The following ZNF563 variants were observed in gnomAD, a reference collection of about 807,000 sequenced individuals.
The protein encoded by ZNF563 is zinc finger protein 563.
ZNF563 carries 39 observed loss-of-function variants against 48.5 expected under a neutral mutation model. The ratio of observed to expected loss-of-function variants is 0.80; its 90% CI spans 0.62 to 1.05. The LOEUF is 1.05. ZNF563 is among the 50% of genes least tolerant of loss of function. The pLI is 0.00. For missense variants in ZNF563, 538 were observed against 597.0 expected (o/e 0.90, Z 1.03); for synonymous variants, 168 against 187.9 (o/e 0.89, Z 0.87).
chr19:12,329,485 A>AAAG (rs1555751983), intron 1 of ZNF563, among the ~76,000 whole-genome samples: 5 of 151,534 alleles, frequency 3.3e-5, no homozygotes, highest in Admixed American at 2.0e-4. Flanking sequence ...AAAAAAAAAA[A>AAAG]AAAAGAAAAG....
At position 12,318,502 on chromosome 19, in the gene ZNF563, A is replaced by G. The variant is rs1190649613; in HGVS notation, c.*92T>C. The stretch of plus-strand genomic sequence containing the variant: ...AATAAAAATTATGAAAGGCTTTCCC[A>G]CATTTACATTTATAGGGTTTCTGTC... On this transcript the variant is annotated 3_prime_UTR_variant, in exon 4 of 4. Transcript: ENST00000293725. The G allele has an allele frequency of 1.3e-5, 18 of 1,359,164 alleles. No homozygotes were observed. The highest frequency in any genetic ancestry group is 1.8e-5 in the Non-Finnish European group (18 of 995,338). 84.2% of individuals were successfully genotyped at this position (1,359,164 alleles called of 1,614,324 possible). A position where few individuals can be genotyped will look rare whatever the true frequency, so the allele number is the denominator to read the frequency against.
At chr19:12,343,518 G>A in the ZNF563 span, among the ~76,000 whole-genome samples, 1 of 152,066 alleles carries the variant, frequency 6.6e-6, no homozygotes, top group Non-Finnish European at 1.5e-5. Flanking sequence ...ATAAAGAGTA[G>A]AGCAGAGATA....
At chr19:12,322,778 C>T in intron 1 of ZNF563, 67 bp from the exon 2 acceptor site, 2 of 1,437,990 alleles carry the variant, frequency 1.4e-6, no homozygotes, top group Non-Finnish European at 1.9e-6. Flanking sequence ...ATACTCAGTT[C>T]ATAAACTTCA....
rs202216969 is a variant in ZNF563 at position 12,319,716 on chromosome 19, A to T, written c.309T>A (p.Cys103Ter). The change falls in exon 4 of 4, where the codon TGT becomes TGA. Residue 103 changes from cysteine (C) to a stop codon, truncating the protein, a stop_gained. Coordinates refer to ENST00000293725, the MANE Select transcript of ZNF563 (RefSeq NM_145276.3). LOFTEE classifies it high-confidence loss of function. ...TGACTTCTTCACACTCAGCGCTTTG[A>T]CATGGATCTTCTCCAGGACAAATGC... ...NNSICPGEDP[C>*]QSAECEEVIM... The T allele has an allele frequency of 6.2e-7, 1 of 1,614,144 alleles. No individual in the cohort carries two copies. Among genetic ancestry groups the T allele is most frequent in the South Asian group, 1.1e-5 (1 of 91,072 alleles).
intron 1 of ZNF563, among the ~76,000 whole-genome samples, chr19:12,327,276 A>G (rs772230950): frequency 2.0e-5 from 3 of 152,126 alleles, no homozygotes; most frequent in Non-Finnish European, 4.4e-5. Context: ...CCTGGCCAAC[A>G]TGGTGAAACC....
chr19:12,343,567 G>A, the ZNF563 span, among the ~76,000 whole-genome samples: 1 of 152,034 alleles, frequency 6.6e-6, no homozygotes, highest in African/African-American at 2.4e-5. Flanking sequence ...CAATATTATT[G>A]ACACCAAAAG....
At position 12,319,837 on chromosome 19, in the gene ZNF563, T is replaced by C; in HGVS notation, c.192-4A>G. Reference sequence around the variant, plus strand: ...GAATCTCTCTACCATATGACATCTGTAAAAAATGAGTAGTACGTTACTAAA... The same window carrying C: ...GAATCTCTCTACCATATGACATCTGCAAAAAATGAGTAGTACGTTACTAAA... On this transcript the variant is annotated splice_region_variant and splice_polypyrimidine_tract_variant and intron_variant, in intron 3 of 3. Transcript: ENST00000293725. 6.2e-7 allele frequency: 1 copy of C among 1,605,876 alleles called. No individual in the cohort carries two copies. Among genetic ancestry groups the C allele is most frequent in the Non-Finnish European group, 8.5e-7 (1 of 1,175,250 alleles).
chr19:12,342,430 T>C, the ZNF563 span, among the ~76,000 whole-genome samples: 2 of 151,758 alleles, frequency 1.3e-5, no homozygotes, highest in Non-Finnish European at 2.9e-5. Flanking sequence ...AAATGAGAAA[T>C]TGCAATAGAA....
the ZNF563 span, among the ~76,000 whole-genome samples, chr19:12,342,377 C>A: frequency 8.6e-4 from 131 of 151,528 alleles, no homozygotes; most frequent in Non-Finnish European, 1.5e-3. Flanking sequence ...AAAAAATACA[C>A]AAATAAGTGT....
In ZNF563 at chr19:12,319,072, A is replaced by C. The variant is rs1968522648; in HGVS notation, c.953T>G (p.Phe318Cys). 1 of 1,614,164 alleles carries C rather than the reference A, an allele frequency of 6.2e-7. No homozygotes were observed. The highest frequency in any genetic ancestry group is 8.5e-7 in the Non-Finnish European group (1 of 1,180,026). ...PYECKQCGKT[F>C]HHLGSFQIHM... ...TATCTGAAAGCTTCCAAGATGATGA[A>C]ATGTTTTCCCGCATTGCTTACACTC... The change falls in exon 4 of 4, where the codon TTT (phenylalanine) becomes TGT (cysteine). Residue 318 changes from phenylalanine to cysteine, a missense_variant. Phe to Cys is a radical substitution (Grantham distance 205). Coordinates refer to ENST00000293725, the MANE Select transcript of ZNF563 (RefSeq NM_145276.3).
At chr19:12,321,207 T>C in intron 3 of ZNF563, 65 bp downstream of exon 3, 1 of 1,196,016 alleles carries the variant, frequency 8.4e-7, no homozygotes, top group Non-Finnish European at 1.2e-6. Context: ...TCTTTGTTTT[T>C]AAAATTTCCT....
intron 2 of ZNF563, 24 bp from the exon 3 acceptor site, chr19:12,321,356 A>G (rs769719480): frequency 1.4e-6 from 2 of 1,463,094 alleles, no homozygotes; most frequent in Admixed American, 2.3e-5. Flanking sequence ...CCAGAAAATC[A>G]CTATACATTA....
chr19:12,322,655 C>A lies in ZNF563; in HGVS notation c.60G>T (p.Leu20Phe). Reference sequence around the variant, plus strand: ...ATAAATTCTTCTGTGATGGACCCAGCAAAGCCCATTCCTCCTGGGTGAAGT... The same window carrying A: ...ATAAATTCTTCTGTGATGGACCCAGAAAAGCCCATTCCTCCTGGGTGAAGT... Reference protein sequence around the residue: ...AVNFTQEEWALLGPSQKNLYR... With the variant: ...AVNFTQEEWAFLGPSQKNLYR... Residue 20 changes from leucine (L) to phenylalanine (F), a missense_variant, in exon 2 of 4, where the codon TTG becomes TTT. By Grantham distance (22) the Leu-to-Phe change is conservative. Coordinates refer to ENST00000293725, the MANE Select transcript of ZNF563 (RefSeq NM_145276.3). The A allele has an allele frequency of 6.2e-7, 1 of 1,610,194 alleles. No homozygotes were observed. The highest frequency in any genetic ancestry group is 8.5e-7 in the Non-Finnish European group (1 of 1,177,690).
chr19:12,338,106 A>T (rs561460641), upstream of ZNF563, among the ~76,000 whole-genome samples: 1 of 152,320 alleles, frequency 6.6e-6, no homozygotes, highest in East Asian at 1.9e-4. Context: ...TGTCTAAAAA[A>T]GAAAGAAAGG....
In ZNF563 at chr19:12,318,279, C is replaced by A; in HGVS notation, c.*315G>T. 2.8e-6 allele frequency: 1 copy of A among 353,458 alleles called. No homozygotes were observed. The highest frequency in any genetic ancestry group is 5.2e-6 in the Non-Finnish European group (1 of 193,812). 21.9% of individuals were successfully genotyped at this position (353,458 alleles called of 1,614,324 possible). A position where few individuals can be genotyped will look rare whatever the true frequency, so the allele number is the denominator to read the frequency against. ...AAGTGCTGGGATTACAGGCGTGAGC[C>A]ACTGTGCCCAGCCTCATGTACTTTT... On this transcript the variant is annotated 3_prime_UTR_variant, in exon 4 of 4. Coordinates refer to ENST00000293725, the MANE Select transcript of ZNF563 (RefSeq NM_145276.3).
At chr19:12,330,375 C>T (rs1343426085) in intron 1 of ZNF563, among the ~76,000 whole-genome samples, 1 of 152,196 alleles carries the variant, frequency 6.6e-6, no homozygotes, top group Non-Finnish European at 1.5e-5. Context: ...ATCTGACCTA[C>T]TTGAACTTGG....
Position 12,318,824 on chromosome 19 carries a change from C to A in ZNF563, c.1201G>T (p.Ala401Ser). 6.2e-7 allele frequency: 1 copy of A among 1,614,120 alleles called. No homozygotes were observed. Among genetic ancestry groups the A allele is most frequent in the Non-Finnish European group, 8.5e-7 (1 of 1,180,018 alleles). Residue 401 changes from alanine (A) to serine (S), a missense_variant, in exon 4 of 4, where the codon GCT becomes TCT. Ala to Ser is a moderately conservative substitution (Grantham distance 99). Coordinates refer to ENST00000293725, the MANE Select transcript of ZNF563 (RefSeq NM_145276.3). ...GPHKCKICGK[A>S]FVYPSVCQRH... ...TGACATACACTAGGATAAACAAAAG[C>A]TTTCCCACATATCTTGCATTTATGA...
At chr19:12,333,223 C>A (rs574577632) in intron 1 of ZNF563, among the ~76,000 whole-genome samples, 2 of 152,204 alleles carry the variant, frequency 1.3e-5, no homozygotes, top group African/African-American at 4.8e-5. Flanking sequence ...GGGCTGCGGG[C>A]GAGGAGCTGC....
upstream of ZNF563, among the ~76,000 whole-genome samples, chr19:12,334,371 G>A (rs1400835626): frequency 6.6e-6 from 1 of 151,930 alleles, no homozygotes; most frequent in African/African-American, 2.4e-5. Context: ...TCCCATTCAG[G>A]AGGCTAAACA....
Sources: gnomAD v4.1 joint callset for allele counts (sites outside exome capture counted in the v4.1 genomes callset) on GRCh38, gnomAD v4.1.1 for gene constraint, MANE v1.5 for transcripts, NCBI Gene and HGNC (gene_info 2026-07-23, HGNC 2026-07-21) for gene names.